Variants in GRAMD1B observed in about 807,000 individuals in gnomAD.
The protein encoded by GRAMD1B is protein Aster-B.
Under a neutral mutation model 99.7 loss-of-function variants are expected in GRAMD1B, and 37 were observed. The ratio of observed to expected loss-of-function variants is 0.37; its 90% CI spans 0.29 to 0.49. The LOEUF is 0.49. GRAMD1B is among the 20% of genes least tolerant of loss of function. The pLI, the probability that GRAMD1B is intolerant of heterozygous loss-of-function variation, is 0.98. For missense variants in GRAMD1B, 888 were observed against 1,009.2 expected (o/e 0.88, Z 1.63); for synonymous variants, 427 against 387.6 (o/e 1.10, Z -1.19).
chr11:123,494,197 A>G (rs988364895), intron 2 of GRAMD1B, among the ~76,000 whole-genome samples: 1 of 152,134 alleles, frequency 6.6e-6, no homozygotes, highest in East Asian at 1.9e-4. Context: ...ACCATATACG[A>G]CTTTTTGTTA....
At chr11:123,535,313 A>G (rs1241095635) in intron 2 of GRAMD1B, among the ~76,000 whole-genome samples, 1 of 150,536 alleles carries the variant, frequency 6.6e-6, no homozygotes, top group Non-Finnish European at 1.5e-5. Flanking sequence ...CCCCCATTTT[A>G]TATGTTAGGA....
chr11:123,601,326 A>C (rs1315292322), intron 8 of GRAMD1B, among the ~76,000 whole-genome samples: 1 of 152,190 alleles, frequency 6.6e-6, no homozygotes, highest in East Asian at 1.9e-4. Flanking sequence ...CCCTTCATGC[A>C]GTGAGCTGTG....
chr11:123,477,963 T>A (rs540884950), intron 1 of GRAMD1B, among the ~76,000 whole-genome samples: 3 of 152,034 alleles, frequency 2.0e-5, no homozygotes, highest in Admixed American at 2.0e-4. Flanking sequence ...TGTTATTTTT[T>A]ATTTTTTTTA....
intron 2 of GRAMD1B, among the ~76,000 whole-genome samples, chr11:123,513,633 TCTTTCTTTCTTTTTCTTAC>T (rs1941372341): frequency 2.5e-5 from 3 of 120,212 alleles, no homozygotes; most frequent in Non-Finnish European, 5.3e-5. Context: ...TTTCTTTCTT[TCTTTCTTTCTTTTTCTTAC>T]CTTTCTTTCT....
At chr11:123,542,862 C>A (rs1944677385) in intron 2 of GRAMD1B, among the ~76,000 whole-genome samples, 1 of 152,188 alleles carries the variant, frequency 6.6e-6, no homozygotes, top group South Asian at 2.1e-4. Context: ...CCATGTTGCC[C>A]AGGCTGGTCT....
intron 1 of GRAMD1B, among the ~76,000 whole-genome samples, chr11:123,365,260 CT>C (rs11407208): frequency 3.5e-4 from 51 of 146,916 alleles, no homozygotes; most frequent in Admixed American, 3.4e-4. Flanking sequence ...TTCTTTTCTT[CT>C]TTTTTTTTTT....
chr11:123,363,146 T>G (rs1946202170), intron 1 of GRAMD1B, among the ~76,000 whole-genome samples: 1 of 152,132 alleles, frequency 6.6e-6, no homozygotes, highest in Non-Finnish European at 1.5e-5. Context: ...AGAGGGAGAA[T>G]GCAAGCGAGC....
At position 123,510,628 on chromosome 11, in the gene GRAMD1B, T is replaced by C. The variant is rs1409280841; in HGVS notation, c.452+29735T>C. 1.3e-5 allele frequency among the ~76,000 whole-genome samples: 2 copies of C among 152,172 alleles called. No individual in the cohort carries two copies. The highest frequency in any genetic ancestry group is 4.8e-5 in the African/African-American group (2 of 41,432). ...GACGTTTGTGACTCTGCCTTTTCTC[T>C]CTGGATGGTGCCGCTGCTCCTTAGG... On this transcript the variant is annotated intron_variant, in intron 2 of 19. Coordinates refer to ENST00000635736, the MANE Select transcript of GRAMD1B (RefSeq NM_001387025.1). This position sits in a 1 kb window ranked among gnomAD's most constrained non-coding sequence, Gnocchi z 4.3.
At chr11:123,443,687 ATTC>A (rs1037324841) in intron 1 of GRAMD1B, among the ~76,000 whole-genome samples, 34 of 151,918 alleles carry the variant, frequency 2.2e-4, no homozygotes, top group African/African-American at 8.2e-4. Context: ...AGGTTCAAGC[ATTC>A]TTCTGCCTCA....
intron 1 of GRAMD1B, among the ~76,000 whole-genome samples, chr11:123,403,448 GATA>G (rs371716819): frequency 0.2 from 28,429 of 138,696 alleles, 2,879 homozygotes; most frequent in African/African-American, 0.24. Flanking sequence ...TGATGATGAT[GATA>G]ATAATAATAA....
intron 1 of GRAMD1B, among the ~76,000 whole-genome samples, chr11:123,390,302 C>A (rs942894830): frequency 1.3e-5 from 2 of 152,116 alleles, no homozygotes; most frequent in African/African-American, 4.8e-5. Context: ...GCTCTGGCGG[C>A]AGTGGGGAAG....
chr11:123,408,049 A>G (rs1947915091), intron 1 of GRAMD1B, among the ~76,000 whole-genome samples: 1 of 152,182 alleles, frequency 6.6e-6, no homozygotes, highest in South Asian at 2.1e-4. Context: ...TGTGAATGGG[A>G]TTAGGAAAGT....
chr11:123,451,083 G>C (rs1243295848), intron 1 of GRAMD1B, among the ~76,000 whole-genome samples: 1 of 152,140 alleles, frequency 6.6e-6, no homozygotes, highest in Non-Finnish European at 1.5e-5. Flanking sequence ...GGCAGAGAAT[G>C]GCACTCACAA....
chr11:123,618,098 G>A (rs780749570), intron 17 of GRAMD1B, among the ~76,000 whole-genome samples: 1 of 152,194 alleles, frequency 6.6e-6, no homozygotes, highest in Non-Finnish European at 1.5e-5. Context: ...TAGGTCCTAA[G>A]GTTGGGTTGG....
intron 2 of GRAMD1B, among the ~76,000 whole-genome samples, chr11:123,560,072 C>CT (rs1003985864): frequency 6.6e-6 from 1 of 150,566 alleles, no homozygotes; most frequent in Non-Finnish European, 1.5e-5. Flanking sequence ...ATAACCCCCC[C>CT]CCCCGCAGCC....
intron 6 of GRAMD1B, 100 bp from the exon 7 acceptor site, chr11:123,595,842 G>A (rs1951207801): frequency 1.6e-6 from 1 of 628,378 alleles, no homozygotes. Flanking sequence ...TATGTGATCT[G>A]ATTGCCTCTG....
intron 3 of GRAMD1B, among the ~76,000 whole-genome samples, chr11:123,580,768 G>A (rs943986303): frequency 6.6e-6 from 1 of 152,174 alleles, no homozygotes; most frequent in East Asian, 1.9e-4. Flanking sequence ...CCGTTCTGCC[G>A]CTCTCCCACC....
rs751226857 is a variant in GRAMD1B, at chr11:123,619,113, C to A, written c.2433C>A (p.Pro811=). Reference sequence around the variant, plus strand: ...CCCTTCTTCTACCCCACAGGTTACCCCAGTCTCAGACAGAATGGGCCCAGC... The same window carrying A: ...CCCTTCTTCTACCCCACAGGTTACCACAGTCTCAGACAGAATGGGCCCAGC... ...WQGLRLQERL[P]QSQTEWAQLL... Residue 811 remains proline (P), a synonymous_variant, in exon 19 of 20, where the codon CCC becomes CCA. Transcript: ENST00000635736. 32 of 1,545,128 alleles carry A rather than the reference C, an allele frequency of 2.1e-5. No homozygotes were observed. The highest frequency in any genetic ancestry group is 3.3e-4 in the Middle Eastern group (2 of 5,976).
In GRAMD1B at chr11:123,368,933, T is replaced by A. The variant is rs181447870; in HGVS notation, c.-176+10134T>A. 1.8e-3 allele frequency among the ~76,000 whole-genome samples: 266 copies of A among 151,936 alleles called. 6 individuals are homozygous for A. The highest frequency in any genetic ancestry group is 0.014 in the Admixed American group (213 of 15,252). On this transcript the variant is annotated intron_variant, in intron 1 of 20. Transcript: ENST00000638157. ...AGTTTGAGCTCCCTACACTTTATAT[T>A]TGAAAGAAATAAAAGGAGATGGAAT...
Sources: allele counts gnomAD v4.1 joint callset (sites outside exome capture counted in the v4.1 genomes callset), GRCh38; gene constraint gnomAD v4.1.1; non-coding constraint Gnocchi (gnomAD v3.1); transcripts MANE v1.5; gene names NCBI Gene and HGNC (gene_info 2026-07-23, HGNC 2026-07-21).